Variants in ROBO2 observed in about 807,000 individuals in gnomAD.
The protein encoded by ROBO2 is roundabout guidance receptor 2, also known as roundabout homolog 2.
Under a neutral mutation model 160.8 loss-of-function variants are expected in ROBO2, and 53 were observed. The ratio of observed to expected loss-of-function variants is 0.33; its 90% CI spans 0.26 to 0.41. ROBO2 has a LOEUF of 0.41. ROBO2 is among the 10% of genes least tolerant of loss of function. The pLI is 1.00. For missense variants in ROBO2, 1,577 were observed against 1,722.4 expected (o/e 0.92, Z 1.49); for synonymous variants, 664 against 611.7 (o/e 1.09, Z -1.26).
intron 2 of ROBO2, among the ~76,000 whole-genome samples, chr3:76,647,118 G>C (rs75021065): frequency 6.6e-6 from 1 of 152,158 alleles, no homozygotes; most frequent in African/African-American, 2.4e-5. Flanking sequence ...TCTTGTTCTG[G>C]TGTTTCTTAG....
chr3:76,679,910 A>G (rs2092511517), intron 2 of ROBO2, among the ~76,000 whole-genome samples: 1 of 152,098 alleles, frequency 6.6e-6, no homozygotes, highest in African/African-American at 2.4e-5. Context: ...AATTAAGCTG[A>G]GATTTCTTTA....
At chr3:77,378,146 C>A (rs10865560) in intron 2 of ROBO2, among the ~76,000 whole-genome samples, 41,909 of 151,982 alleles carry the variant, frequency 0.28, 6,285 homozygotes, top group East Asian at 0.55. Context: ...TAAGACTTGT[C>A]CCTTTTTATT....
intron 2 of ROBO2, among the ~76,000 whole-genome samples, chr3:77,473,987 A>G (rs980318160): frequency 6.6e-6 from 1 of 152,118 alleles, no homozygotes; most frequent in Admixed American, 6.5e-5. Flanking sequence ...GTTGTTCTCC[A>G]AAGTTTCTTA....
chr3:76,571,252 TG>T lies in ROBO2; in HGVS notation c.110-526761del, dbSNP rs2084941125. Among the ~76,000 whole-genome samples, 3 of 152,138 alleles carry T rather than the reference TG, an allele frequency of 2.0e-5. No individual in the cohort carries two copies. In the South Asian group the frequency reaches 6.2e-4, roughly 32 times the overall value. On this transcript the variant is annotated intron_variant, in intron 2 of 26. Coordinates refer to the ROBO2 transcript ENST00000487694. ...ATTTGTATGTGTAGGTCATGTTACTTGTTAGGAGATAAGATTTTACCAGAAT... is the reference window on the plus strand; with the variant it reads ...ATTTGTATGTGTAGGTCATGTTACTTTTAGGAGATAAGATTTTACCAGAAT...
chr3:77,180,015 A>G (rs2080558199), intron 2 of ROBO2, among the ~76,000 whole-genome samples: 1 of 152,056 alleles, frequency 6.6e-6, no homozygotes, highest in Non-Finnish European at 1.5e-5. Flanking sequence ...GGGAGTCGAT[A>G]AAAGCATCAG....
chr3:77,038,776 C>G (rs527590621), upstream of ROBO2, among the ~76,000 whole-genome samples: 2 of 152,328 alleles, frequency 1.3e-5, no homozygotes, highest in South Asian at 2.1e-4. Context: ...CATCCCCGGT[C>G]CTGAATGGCA....
chr3:75,917,630 T>A (rs1559749778), intron 1 of ROBO2, among the ~76,000 whole-genome samples: 1 of 152,232 alleles, frequency 6.6e-6, no homozygotes, highest in Non-Finnish European at 1.5e-5. Flanking sequence ...CCACAATGGT[T>A]GAACTATTTT....
intron 2 of ROBO2, among the ~76,000 whole-genome samples, chr3:77,132,603 G>A (rs771938242): frequency 1.3e-5 from 2 of 151,906 alleles, no homozygotes; most frequent in Non-Finnish European, 2.9e-5. Flanking sequence ...TAAATGAACT[G>A]TATAGCTGTA....
chr3:76,109,191 G>T (rs2070097917), intron 2 of ROBO2, among the ~76,000 whole-genome samples: 1 of 151,830 alleles, frequency 6.6e-6, no homozygotes, highest in Non-Finnish European at 1.5e-5. Context: ...CATGGATAGT[G>T]TTTCATAAAT....
At chr3:77,357,246 G>C (rs1166051243) in intron 2 of ROBO2, among the ~76,000 whole-genome samples, 3 of 152,222 alleles carry the variant, frequency 2.0e-5, no homozygotes, top group African/African-American at 4.8e-5. Flanking sequence ...TTTATGAGAT[G>C]CTTCTCATTT....
chr3:77,372,300 G>A (rs911899199), intron 2 of ROBO2, among the ~76,000 whole-genome samples: 1 of 152,150 alleles, frequency 6.6e-6, no homozygotes, highest in Non-Finnish European at 1.5e-5. Context: ...AAACGGAAAA[G>A]AGATGCATAA....
At chr3:76,282,979 TTTTATTTTTTC>T (rs1708307886) in intron 2 of ROBO2, among the ~76,000 whole-genome samples, 1 of 149,044 alleles carries the variant, frequency 6.7e-6, no homozygotes, top group African/African-American at 2.4e-5. Context: ...CTTTATTTTA[TTTTATTTTTTC>T]TTTATTTTAA....
chr3:76,241,559 C>A (rs2107516643), intron 2 of ROBO2, among the ~76,000 whole-genome samples: 1 of 152,280 alleles, frequency 6.6e-6, no homozygotes, highest in Admixed American at 6.5e-5. Flanking sequence ...GCTTTAGGTT[C>A]ATGCTCAGTT....
intron 6 of ROBO2, among the ~76,000 whole-genome samples, chr3:77,524,809 C>T (rs748865358): frequency 6.6e-6 from 1 of 150,930 alleles, no homozygotes; most frequent in Non-Finnish European, 1.5e-5. Flanking sequence ...CTTAAATCAG[C>T]AAACCTTAAA....
intron 2 of ROBO2, among the ~76,000 whole-genome samples, chr3:76,040,759 G>A (rs374652254): frequency 2.0e-4 from 30 of 152,176 alleles, no homozygotes; most frequent in East Asian, 7.7e-4. Flanking sequence ...AGGCCAAGGA[G>A]GGTGGATCAC....
intron 2 of ROBO2, among the ~76,000 whole-genome samples, chr3:76,338,954 A>C (rs17140646): frequency 0.11 from 17,441 of 151,962 alleles, 1,120 homozygotes; most frequent in African/African-American, 0.17. Flanking sequence ...TGCCTTCATG[A>C]CTTAAATCTG....
intron 2 of ROBO2, among the ~76,000 whole-genome samples, chr3:76,626,292 G>T (rs1267419943): frequency 6.6e-6 from 1 of 152,126 alleles, no homozygotes; most frequent in East Asian, 1.9e-4. Flanking sequence ...TATAAATCTG[G>T]ACTTCTGGGG....
In ROBO2 at chr3:76,472,108, T is replaced by C. The variant is rs369515200; in HGVS notation, c.109+534506T>C. ...GTGTGTGTGTGTGTGTGTGCGCGTG[T>C]GCGTGCGCATGTGTATCACTTCTTC... On this transcript the variant is annotated intron_variant, in intron 2 of 26. Transcript: ENST00000487694. 9.3e-3 allele frequency among the ~76,000 whole-genome samples: 632 copies of C among 68,314 alleles called. 3 individuals carry two copies. Among genetic ancestry groups the C allele is most frequent in the Non-Finnish European group, 0.016 (420 of 26,408 alleles). The allele number at this position is 68,314 out of a possible 152,430, so 44.8% of individuals were successfully genotyped here. A position where few individuals can be genotyped will look rare whatever the true frequency, so the allele number is the denominator to read the frequency against.
chr3:76,807,200 T>C (rs1248113570), intron 2 of ROBO2, among the ~76,000 whole-genome samples: 2 of 152,034 alleles, frequency 1.3e-5, no homozygotes, highest in East Asian at 3.9e-4. Flanking sequence ...TATCAAATGG[T>C]TGTTTATGAA....
Sources: allele counts gnomAD v4.1 joint callset (sites outside exome capture counted in the v4.1 genomes callset), GRCh38; gene constraint gnomAD v4.1.1; transcripts MANE v1.5; gene names NCBI Gene and HGNC (gene_info 2026-07-23, HGNC 2026-07-21).